ASB3: variants seen among roughly 807,000 people sequenced by gnomAD.
The protein encoded by ASB3 is ankyrin repeat and SOCS box protein 3.
A neutral mutation model predicts 54.5 loss-of-function variants in ASB3; 41 were observed. The ratio of observed to expected loss-of-function variants is 0.75; its 90% confidence interval spans 0.59 to 0.98. The LOEUF is 0.98. ASB3 is among the 50% of genes least tolerant of loss of function. The pLI is 0.00. For synonymous variants in ASB3, 266 were observed against 221.2 expected, an observed-to-expected ratio of 1.20 and a Z score of -1.80; for missense variants, 733 against 620.0, an observed-to-expected ratio of 1.18 and a Z score of -1.94.
intron 9 of ASB3, among the ~76,000 whole-genome samples, chr2:53,673,328 G>A (rs891848094): frequency 1.3e-5 from 2 of 152,168 alleles, no homozygotes; most frequent in African/African-American, 4.8e-5. Flanking sequence ...CTGCTCACAT[G>A]GAGATAAGGG....
intron 1 of ASB3, chr2:53,771,833 A>C: frequency 2.5e-6 from 2 of 804,076 alleles, no homozygotes; most frequent in Non-Finnish European, 4.3e-6. Flanking sequence ...TCCATGTCAA[A>C]AATGTTGCTA....
intron 2 of ASB3, among the ~76,000 whole-genome samples, chr2:53,764,092 T>C (rs530765345): frequency 6.6e-6 from 1 of 152,148 alleles, no homozygotes; most frequent in Non-Finnish European, 1.5e-5. Flanking sequence ...GTAAAGATTA[T>C]TTCCTTTCCC....
chr2:53,686,160 C>A (rs1668621188), intron 9 of ASB3, among the ~76,000 whole-genome samples: 1 of 152,152 alleles, frequency 6.6e-6, no homozygotes, highest in Non-Finnish European at 1.5e-5. Flanking sequence ...TTCCTTTGAT[C>A]ATCTTGAGAA....
At chr2:53,772,666 C>T (rs1302434581) in intron 1 of ASB3, among the ~76,000 whole-genome samples, 3 of 151,698 alleles carry the variant, frequency 2.0e-5, no homozygotes, top group Non-Finnish European at 4.4e-5. Context: ...TTCTTTATTG[C>T]TTAATTGTAT....
chr2:53,767,909 C>A (rs377010141), intron 1 of ASB3: 4 of 1,613,100 alleles, frequency 2.5e-6, no homozygotes, highest in Non-Finnish European at 3.4e-6. Flanking sequence ...GGTTACGGGT[C>A]CCTGATCTGG....
In ASB3 at chr2:53,728,715, A is replaced by G; in HGVS notation, c.601T>C (p.Ser201Pro). The G allele has an allele frequency of 6.2e-7, 1 of 1,602,148 alleles. No homozygotes were observed. The highest frequency in any genetic ancestry group is 1.1e-5 in the South Asian group (1 of 88,954). Residue 201 changes from serine to proline, a missense_variant, in exon 5 of 10, where the codon TCG becomes CCG. Transcript: ENST00000263634. The part of the protein sequence containing the change: ...KLESLSILIS[S>P]GANVNCQALD... ...AAAGGCTAATGGATAATCTTACCCG[A>G]TGAAATAAGTATGCTCAAGCTTTCT...
At chr2:53,721,392 AAACTAC>A (rs1670701812) in intron 5 of ASB3, among the ~76,000 whole-genome samples, 1 of 132,346 alleles carries the variant, frequency 7.6e-6, no homozygotes, top group African/African-American at 3.0e-5. Flanking sequence ...CATCTCTACT[AAACTAC>A]AAAAAAAAAA....
intron 9 of ASB3, among the ~76,000 whole-genome samples, chr2:53,691,993 G>A (rs1316202769): frequency 6.6e-6 from 1 of 152,178 alleles, no homozygotes; most frequent in Non-Finnish European, 1.5e-5. Context: ...CAACCTCGGC[G>A]CTACTGACAT....
At chr2:53,698,268 T>C (rs1669295987) in intron 8 of ASB3, among the ~76,000 whole-genome samples, 2 of 152,162 alleles carry the variant, frequency 1.3e-5, no homozygotes, top group Non-Finnish European at 2.9e-5. Flanking sequence ...GCCTCAAAGA[T>C]CTCTGGAATG....
Position 53,718,286 on chromosome 2 carries a change from G to C in ASB3, c.605-1543C>G, listed in dbSNP as rs370056906. On this transcript the variant is annotated intron_variant, in intron 5 of 9. Coordinates refer to ENST00000263634, the MANE Select transcript of ASB3 (RefSeq NM_016115.5). ...ATCTTACAGGCAGCTAGAGAAAAAC[G>C]TCAGATCACATACAAAAGGAACAGT... 8.0e-3 allele frequency among the ~76,000 whole-genome samples: 1,213 copies of C among 151,926 alleles called. 13 individuals carry two copies. Among genetic ancestry groups the C allele is most frequent in the African/African-American group, 0.028 (1,154 of 41,418 alleles).
intron 7 of ASB3, among the ~76,000 whole-genome samples, chr2:53,703,291 C>G (rs1669590887): frequency 2.0e-5 from 3 of 152,166 alleles, no homozygotes; most frequent in African/African-American, 7.2e-5. Context: ...CTCCAAAGGA[C>G]AAAAACTGCT....
At chr2:53,719,110 A>G (rs1490011228) in intron 5 of ASB3, among the ~76,000 whole-genome samples, 1 of 152,068 alleles carries the variant, frequency 6.6e-6, no homozygotes, top group Non-Finnish European at 1.5e-5. Flanking sequence ...TAGCAGATAG[A>G]GACGGGGTTT....
At chr2:53,764,065 C>T (rs1673300931) in intron 2 of ASB3, among the ~76,000 whole-genome samples, 1 of 152,136 alleles carries the variant, frequency 6.6e-6, no homozygotes, top group Non-Finnish European at 1.5e-5. Flanking sequence ...AAAACACCTA[C>T]CACTACCAAA....
intron 2 of ASB3, among the ~76,000 whole-genome samples, chr2:53,759,525 A>G (rs1308852035): frequency 2.0e-5 from 3 of 152,122 alleles, no homozygotes; most frequent in Non-Finnish European, 4.4e-5. Context: ...GAACTTGGCA[A>G]CCTCAGTTTT....
At chr2:53,772,693 TTG>T (rs1558575019) in intron 1 of ASB3, among the ~76,000 whole-genome samples, 1 of 150,420 alleles carries the variant, frequency 6.6e-6, no homozygotes, top group Non-Finnish European at 1.5e-5. Context: ...CACCTGTGTG[TTG>T]TGTTTTGTGT....
chr2:53,772,470 A>G (rs752305621), intron 1 of ASB3, among the ~76,000 whole-genome samples: 159 of 152,152 alleles, frequency 1.0e-3, no homozygotes, highest in Middle Eastern at 6.8e-3. Flanking sequence ...CACCGCGCCC[A>G]GCCGTGGGAT....
chr2:53,751,150 A>T (rs529182131), intron 2 of ASB3, among the ~76,000 whole-genome samples: 3 of 152,142 alleles, frequency 2.0e-5, no homozygotes, highest in Non-Finnish European at 4.4e-5. Context: ...TAATACACAA[A>T]TCCTGTCCAC....
At chr2:53,678,306 AC>A (rs1668191389) in intron 9 of ASB3, among the ~76,000 whole-genome samples, 2 of 152,056 alleles carry the variant, frequency 1.3e-5, no homozygotes, top group African/African-American at 4.8e-5. Context: ...TCATTTCCCC[AC>A]AACCATCCCG....
intron 8 of ASB3, among the ~76,000 whole-genome samples, chr2:53,696,938 G>A (rs1669214114): frequency 6.6e-6 from 1 of 152,132 alleles, no homozygotes; most frequent in African/African-American, 2.4e-5. Flanking sequence ...TTGAATAGGG[G>A]CTAGGTAAAA....
Sources: gnomAD v4.1 joint callset for allele counts (sites outside exome capture counted in the v4.1 genomes callset) on GRCh38, gnomAD v4.1.1 for gene constraint, MANE v1.5 for transcripts, NCBI Gene and HGNC (gene_info 2026-07-23, HGNC 2026-07-21) for gene names.